Variants in EML6 observed in about 807,000 individuals in gnomAD.
EML6 encodes echinoderm microtubule-associated protein-like 6.
Under a neutral mutation model 240.1 loss-of-function variants are expected in EML6, and 154 were observed. The observed-to-expected ratio is 0.64, with a 90% CI of 0.56 to 0.73. The LOEUF is 0.73. Ranked by LOEUF, EML6 falls within the 30% of genes least tolerant of loss-of-function variation. The probability of loss-of-function intolerance (pLI) is 0.00; values close to 1 mark genes in which losing one functional copy is unlikely to be tolerated. For synonymous variants in EML6, 1,148 were observed against 899.0 expected, an observed-to-expected ratio of 1.28 and a Z score of -4.95; for missense variants, 2,964 against 2,474.6, an observed-to-expected ratio of 1.20 and a Z score of -4.20.
chr2:54,828,379 ATTG>A (rs917520693), intron 6 of EML6, among the ~76,000 whole-genome samples: 6 of 152,228 alleles, frequency 3.9e-5, no homozygotes, highest in African/African-American at 1.2e-4. Context: ...AAATGACTAC[ATTG>A]TTGTATCTAC....
intron 24 of EML6, among the ~76,000 whole-genome samples, chr2:54,910,294 C>G (rs1486535268): frequency 6.6e-6 from 1 of 152,138 alleles, no homozygotes; most frequent in Non-Finnish European, 1.5e-5. Context: ...AAGATTGTTG[C>G]CATTGTAGGA....
At chr2:54,787,942 G>A (rs1669177316) in intron 2 of EML6, among the ~76,000 whole-genome samples, 1 of 152,044 alleles carries the variant, frequency 6.6e-6, no homozygotes, top group Non-Finnish European at 1.5e-5. Flanking sequence ...CCTCACCTGT[G>A]CGGTGGTTTC....
intron 2 of EML6, among the ~76,000 whole-genome samples, chr2:54,785,962 T>C (rs1002443499): frequency 3.3e-5 from 5 of 151,868 alleles, no homozygotes; most frequent in Non-Finnish European, 5.9e-5. Context: ...TGTATGTGTG[T>C]GTGTGTGCAA....
At chr2:54,843,110 C>A (rs778881706) in intron 7 of EML6, among the ~76,000 whole-genome samples, 1 of 152,182 alleles carries the variant, frequency 6.6e-6, no homozygotes, top group Non-Finnish European at 1.5e-5. Flanking sequence ...TGAACTGATT[C>A]TTCTCTGATA....
chr2:54,862,179 A>C (rs56744749), intron 12 of EML6, among the ~76,000 whole-genome samples: 5,355 of 151,794 alleles, frequency 0.035, 342 homozygotes, highest in African/African-American at 0.12. Flanking sequence ...TCTCTACTAA[A>C]AATACAAAAA....
chr2:54,813,516 G>C (rs1667952851), intron 3 of EML6, 125 bp downstream of exon 3: 1 of 828,060 alleles, frequency 1.2e-6, no homozygotes, highest in Non-Finnish European at 1.9e-6. Context: ...CAGCCTCCTA[G>C]AATTTTTCAC....
chr2:54,948,163 G>A (rs1363328279), intron 28 of EML6, among the ~76,000 whole-genome samples: 8 of 152,168 alleles, frequency 5.3e-5, no homozygotes, highest in Admixed American at 4.6e-4. Flanking sequence ...ACTCCTCTAG[G>A]ATTCCATTAG....
chr2:54,962,794 C>A (rs1466706535), intron 36 of EML6, 83 bp downstream of exon 36: 4 of 1,210,488 alleles, frequency 3.3e-6, no homozygotes, highest in Non-Finnish European at 1.1e-6. Flanking sequence ...GCCCAGCCAG[C>A]GTCATGGCAG....
At chr2:54,820,181 C>G (rs147246746) in intron 4 of EML6, among the ~76,000 whole-genome samples, 2 of 152,146 alleles carry the variant, frequency 1.3e-5, no homozygotes, top group East Asian at 1.9e-4. Context: ...ATGGTAAGTT[C>G]TCTCTCTACT....
At chr2:54,962,426 A>G (rs1311585391) in intron 35 of EML6, 97 bp from the exon 36 acceptor site, 1 of 940,150 alleles carries the variant, frequency 1.1e-6, no homozygotes, top group Non-Finnish European at 1.5e-6. Context: ...TCATCATTCT[A>G]CTTTCTGTCT....
In EML6 at chr2:54,859,608, G is replaced by T; in HGVS notation, c.1732G>T (p.Val578Leu). 6.4e-7 allele frequency: 1 copy of T among 1,551,462 alleles called. No homozygotes were observed. The highest frequency in any genetic ancestry group is 8.7e-7 in the Non-Finnish European group (1 of 1,146,886). ...CCGCTGGTCCCATGACTTTCAGTGG[G>T]TGTTGAGCACAGGAGGGGCTGATCA... ...NVRWSHDFQW[V>L]LSTGGADHSV... The change falls in exon 12 of 42, where the codon GTG becomes TTG. Residue 578 changes from valine (V) to leucine (L), a missense_variant. Physicochemically the swap from Val to Leu is conservative, Grantham distance 32. Coordinates refer to ENST00000356458, the MANE Select transcript of EML6 (RefSeq NM_001039753.4).
chr2:54,938,844 G>C (rs189962984), intron 28 of EML6, among the ~76,000 whole-genome samples: 3 of 152,288 alleles, frequency 2.0e-5, no homozygotes, highest in East Asian at 1.9e-4. Flanking sequence ...GCCTTTCTGA[G>C]GGCTTTATTT....
In EML6 at chr2:54,962,375, G is replaced by A; in HGVS notation, c.4969-148G>A. The A allele has an allele frequency of 1.4e-5, 9 of 622,616 alleles. No homozygotes were observed. In the South Asian group the frequency reaches 2.3e-4, roughly 16 times the overall value. The allele number at this position is 622,616 out of a possible 1,614,324, so 38.6% of individuals were successfully genotyped here. A position where few individuals can be genotyped will look rare whatever the true frequency, so the allele number is the denominator to read the frequency against. Reference sequence around the variant, plus strand: ...TTGCAAAACTGTAACTGTACCCACTGAACACTGACTCCCCTGTCCACCACC... The same window carrying A: ...TTGCAAAACTGTAACTGTACCCACTAAACACTGACTCCCCTGTCCACCACC... On this transcript the variant is annotated intron_variant, in intron 35 of 41. Coordinates refer to ENST00000356458, the MANE Select transcript of EML6 (RefSeq NM_001039753.4).
intron 2 of EML6, among the ~76,000 whole-genome samples, chr2:54,736,640 A>AT (rs1683404916): frequency 6.6e-6 from 1 of 152,176 alleles, no homozygotes; most frequent in African/African-American, 2.4e-5. Context: ...AGTGACCTCC[A>AT]TTGCTAGGTG....
intron 24 of EML6, among the ~76,000 whole-genome samples, chr2:54,908,626 C>A (rs969305721): frequency 6.6e-6 from 1 of 152,210 alleles, no homozygotes; most frequent in Non-Finnish European, 1.5e-5. Flanking sequence ...GTTTCAGCAT[C>A]CACTGCTCTT....
chr2:54,918,716 C>A (rs1037338214), intron 26 of EML6, among the ~76,000 whole-genome samples: 1 of 152,304 alleles, frequency 6.6e-6, no homozygotes, highest in East Asian at 1.9e-4. Context: ...AATTTACCCC[C>A]CTGTACAGTC....
At chr2:54,883,133 TAATAAA>T (rs1671928929) in intron 17 of EML6, among the ~76,000 whole-genome samples, 1 of 152,078 alleles carries the variant, frequency 6.6e-6, no homozygotes, top group Non-Finnish European at 1.5e-5. Flanking sequence ...GAAAAGCACT[TAATAAA>T]AGGAAAATCA....
intron 2 of EML6, among the ~76,000 whole-genome samples, chr2:54,734,802 G>A (rs1314913564): frequency 6.6e-6 from 1 of 152,254 alleles, no homozygotes; most frequent in Non-Finnish European, 1.5e-5. Context: ...GGATGATTTA[G>A]TGAGTGTAGC....
At chr2:54,841,586 C>CTT (rs3038252) in intron 7 of EML6, among the ~76,000 whole-genome samples, 15,065 of 118,732 alleles carry the variant, frequency 0.13, 3,497 homozygotes, top group African/African-American at 0.46. Flanking sequence ...TTTGTCTTGG[C>CTT]TTTTTTTTTT....
Sources: allele counts gnomAD v4.1 joint callset (sites outside exome capture counted in the v4.1 genomes callset), GRCh38; gene constraint gnomAD v4.1.1; transcripts MANE v1.5; gene names NCBI Gene and HGNC (gene_info 2026-07-23, HGNC 2026-07-21).